The following GPSM1 variants were observed in gnomAD, a reference collection of about 807,000 sequenced individuals.
The protein encoded by GPSM1 is G protein-signaling modulator 1.
Under a neutral mutation model 70.5 loss-of-function variants are expected in GPSM1, and 48 were observed. The observed-to-expected ratio is 0.68, with a 90% confidence interval of 0.54 to 0.87. The LOEUF is 0.87. Ranked by LOEUF, GPSM1 falls within the 40% of genes least tolerant of loss-of-function variation. GPSM1 has a pLI of 0.00. For synonymous variants in GPSM1, 416 were observed against 430.1 expected, an observed-to-expected ratio of 0.97 and a Z score of 0.41; for missense variants, 981 against 972.6, an observed-to-expected ratio of 1.01 and a Z score of -0.11.
chr9:136,330,891 C>G (rs1554768393), intron 1 of GPSM1, among the ~76,000 whole-genome samples: 1 of 152,146 alleles, frequency 6.6e-6, no homozygotes. Context: ...CTAGGTCCTG[C>G]CCCGCCTTTG....
rs188531960 is a variant in GPSM1, at chr9:136,336,950, C to G, written c.456C>G (p.Ile152Met). 9.2e-5 allele frequency: 144 copies of G among 1,557,500 alleles called. No homozygotes were observed. The highest frequency in any genetic ancestry group is 3.3e-4 in the Middle Eastern group (2 of 6,002). ...KVGEARALYNIGNVYHAKGKQ... is the reference protein window; with the variant it reads ...KVGEARALYNMGNVYHAKGKQ... ...GGGAGGCGAGGGCCCTCTACAACAT[C>G]GGGAACGTGTACCACGCCAAAGGCA... Residue 152 changes from isoleucine (I) to methionine (M), a missense_variant, in exon 4 of 14, where the codon ATC becomes ATG. Physicochemically the swap from Ile to Met is conservative, Grantham distance 10 (BLOSUM62 1). Coordinates refer to ENST00000440944, the MANE Select transcript of GPSM1 (RefSeq NM_001145638.3).
At chr9:136,336,734 G>A (rs1832246225) in intron 3 of GPSM1, among the ~76,000 whole-genome samples, 187 bp from the exon 4 acceptor site, 1 of 152,196 alleles carries the variant, frequency 6.6e-6, no homozygotes, top group Admixed American at 6.5e-5. Context: ...GTGAGGGAGG[G>A]CGGAGGCTGG....
chr9:136,353,040 C>G (rs1832714189), intron 11 of GPSM1: 1 of 971,560 alleles, frequency 1.0e-6, no homozygotes, highest in African/African-American at 1.8e-5. Flanking sequence ...TGAGGCAGCA[C>G]TTGGCACTTT....
At chr9:136,336,181 GACTCACC>G in intron 3 of GPSM1, 80 bp downstream of exon 3, 1 of 1,471,724 alleles carries the variant, frequency 6.8e-7, no homozygotes, top group South Asian at 1.2e-5. Context: ...GCGGGCGGGT[GACTCACC>G]ACTCATCCAG....
Position 136,349,717 on chromosome 9 carries a change from A to G in GPSM1, c.1409A>G (p.His470Arg). The G allele has an allele frequency of 3.2e-6, 5 of 1,574,982 alleles. No individual in the cohort carries two copies. Among genetic ancestry groups the G allele is most frequent in the Non-Finnish European group, 4.3e-6 (5 of 1,161,466 alleles). The change falls in exon 11 of 14, where the codon CAC becomes CGC. Residue 470 changes from histidine to arginine, a missense_variant. Coordinates refer to ENST00000440944, the MANE Select transcript of GPSM1 (RefSeq NM_001145638.3). ...DAERRPREGS[H>R]SPLDSADVRV... ...GAGAGGAGGCCCCGGGAGGGCAGCC[A>G]CTCCCCGCTGGACAGCGCCGACGTC...
Position 136,332,005 on chromosome 9 carries a change from C to T in GPSM1, c.69-2442C>T, listed in dbSNP as rs192794501. 44 of 398,554 alleles carry T rather than the reference C, an allele frequency of 1.1e-4. 1 individual carries two copies. In the Admixed American group the frequency reaches 1.2e-3, roughly 11 times the overall value. 24.7% of individuals were successfully genotyped at this position (398,554 alleles called of 1,614,324 possible). A position where few individuals can be genotyped will look rare whatever the true frequency, so the allele number is the denominator to read the frequency against. ...TGGGGGAGGAGGGCCTGGGGCCTGG[C>T]GATGCCATCCCCTGCTGGGGAGGGC... On this transcript the variant is annotated intron_variant, in intron 1 of 13. Transcript: ENST00000440944.
rs782359388 is a variant in GPSM1, at chr9:136,356,331, G to GC, written c.1613-5dup. The GC allele has an allele frequency of 5.2e-6, 8 of 1,551,420 alleles. No homozygotes were observed. The highest frequency in any genetic ancestry group is 5.2e-6 in the Non-Finnish European group (6 of 1,147,484). ...ACTGGGTCCCAGGTCTCACCCTCTG[G>GC]CCCCCCGCAGCCCAGCCCTCGATGA... On this transcript the variant is annotated splice_polypyrimidine_tract_variant and intron_variant, in intron 12 of 13. Coordinates refer to ENST00000440944, the MANE Select transcript of GPSM1 (RefSeq NM_001145638.3).
rs1832380093 is a variant in GPSM1, at chr9:136,341,090, G to A, written c.1207+97G>A. The A allele has an allele frequency of 2.6e-6, 4 of 1,550,258 alleles. No homozygotes were observed. Among genetic ancestry groups the A allele is most frequent in the Non-Finnish European group, 3.5e-6 (4 of 1,146,980 alleles). The stretch of plus-strand genomic sequence containing the variant: ...GGATCGAGGCCAGGCCAGCATGGCG[G>A]AGGTGGCAGCCGCCAGAAAATGGCG... On this transcript the variant is annotated intron_variant, in intron 9 of 13. Coordinates refer to ENST00000440944, the MANE Select transcript of GPSM1 (RefSeq NM_001145638.3). This position sits in a 1 kb window ranked among gnomAD's most constrained non-coding sequence, Gnocchi z 6.7.
chr9:136,339,859 C>T lies in GPSM1; in HGVS notation c.1083+44C>T, dbSNP rs1832342602. On this transcript the variant is annotated intron_variant, in intron 8 of 13. Transcript: ENST00000440944. ...CAGAAGTCCCGGGCACTGCCCAGCC[C>T]ACTCCAGACGGGCCGGGTCCCCTCT... 3.2e-6 allele frequency: 4 copies of T among 1,261,006 alleles called. No individual in the cohort carries two copies. The African/African-American group carries it at 5.9e-5, about 19-fold the overall frequency. 78.1% of individuals were successfully genotyped at this position (1,261,006 alleles called of 1,614,324 possible). A position where few individuals can be genotyped will look rare whatever the true frequency, so the allele number is the denominator to read the frequency against.
Position 136,355,766 on chromosome 9 carries a change from A to C in GPSM1, c.1532A>C (p.Asp511Ala). The C allele has an allele frequency of 6.2e-7, 1 of 1,612,226 alleles. No homozygotes were observed. The highest frequency in any genetic ancestry group is 1.1e-5 in the South Asian group (1 of 91,068). The change falls in exon 12 of 14, where the codon GAC (aspartate) becomes GCC (alanine). Residue 511 changes from aspartate (D) to alanine (A), a missense_variant. Asp to Ala is a moderately radical substitution (Grantham distance 126). Coordinates refer to ENST00000440944, the MANE Select transcript of GPSM1 (RefSeq NM_001145638.3). The part of the protein sequence containing the change: ...LLTKFQSSRM[D>A]DQRCPLDDGQ... ...ACCAAGTTCCAGAGCAGCCGCATGGACGACCAGCGTTGTCCCCTGGACGAT... is the reference window on the plus strand; with the variant it reads ...ACCAAGTTCCAGAGCAGCCGCATGGCCGACCAGCGTTGTCCCCTGGACGAT...
At chr9:136,352,995 C>T (rs1832712998) in intron 11 of GPSM1, 1 of 694,696 alleles carries the variant, frequency 1.4e-6, no homozygotes, top group Non-Finnish European at 1.8e-6. Context: ...GAGCCCTTGC[C>T]CAGGGTCCTA....
At chr9:136,327,834 G>A (rs1169633604) in intron 1 of GPSM1, 71 bp downstream of exon 1, 2 of 540,194 alleles carry the variant, frequency 3.7e-6, no homozygotes, top group Non-Finnish European at 2.6e-6. Flanking sequence ...ACGCGGGGGA[G>A]GCTGCAGTTG....
chr9:136,338,406 T>C (rs1832302755), intron 6 of GPSM1, 149 bp from the exon 7 acceptor site: 4 of 748,506 alleles, frequency 5.3e-6, no homozygotes, highest in East Asian at 2.7e-5. Context: ...TCTGTGGCCA[T>C]GTGAGGGTGG....
At position 136,358,586 on chromosome 9, in the gene GPSM1, A is replaced by C; in HGVS notation, c.*366A>C. Reference sequence around the variant, plus strand: ...CCTGCTGTCTCCCCCACCCTCCCCAAAGGTGTCTCTGAGCCGCCTCTTGGG... The same window carrying C: ...CCTGCTGTCTCCCCCACCCTCCCCACAGGTGTCTCTGAGCCGCCTCTTGGG... On this transcript the variant is annotated 3_prime_UTR_variant, in exon 14 of 14. Transcript: ENST00000440944. 29 of 357,372 alleles carry C rather than the reference A, an allele frequency of 8.1e-5. No homozygotes were observed. Among genetic ancestry groups the C allele is most frequent in the East Asian group, 4.3e-4 (6 of 13,898 alleles). The allele number at this position is 357,372 out of a possible 1,614,324, so 22.1% of individuals were successfully genotyped here. A position where few individuals can be genotyped will look rare whatever the true frequency, so the allele number is the denominator to read the frequency against.
chr9:136,337,045 C>A lies in GPSM1; in HGVS notation c.551C>A (p.Thr184Asn), dbSNP rs1465350305. 1.9e-5 allele frequency: 29 copies of A among 1,551,832 alleles called. No homozygotes were observed. Among genetic ancestry groups the A allele is most frequent in the Non-Finnish European group, 2.4e-5 (27 of 1,147,738 alleles). ...CACCTGCCGCCCGATGTCCGAGAGA[C>A]CCTGTGCAAGGCCTCCGAGTTCTAC... ...PGHLPPDVRE[T>N]LCKASEFYER... Residue 184 changes from threonine (T) to asparagine (N), a missense_variant, in exon 4 of 14, where the codon ACC (threonine) becomes AAC (asparagine). Coordinates refer to ENST00000440944, the MANE Select transcript of GPSM1 (RefSeq NM_001145638.3).
rs559526636 is a variant in GPSM1, at chr9:136,344,877, G to A, written c.1208-3820G>A. Among the ~76,000 whole-genome samples the A allele has an allele frequency of 2.0e-3, 309 of 152,326 alleles. 1 individual carries two copies. The highest frequency in any genetic ancestry group is 6.9e-3 in the African/African-American group (285 of 41,586). On this transcript the variant is annotated intron_variant, in intron 9 of 13. Transcript: ENST00000440944. ...CCTCCCCAATGGGGCGGGGCCCTCA[G>A]GACCCAGCAGAGAAGGGGCAAGGCC... is the stretch of plus-strand genomic sequence containing the variant.
At chr9:136,335,589 G>A (rs1353262456) in intron 2 of GPSM1, among the ~76,000 whole-genome samples, 1 of 152,128 alleles carries the variant, frequency 6.6e-6, no homozygotes, top group Non-Finnish European at 1.5e-5. Context: ...GAATGAGTTA[G>A]CAGGAAGTTA....
rs1588697161 is a variant in GPSM1 at position 136,341,305 on chromosome 9, G to A, written c.1207+312G>A. On this transcript the variant is annotated intron_variant, in intron 9 of 13. Coordinates refer to ENST00000440944, the MANE Select transcript of GPSM1 (RefSeq NM_001145638.3). The surrounding 1 kb of genome is among the most constrained non-coding windows in gnomAD (Gnocchi z 6.7). ...CCCCTGGAGCCCTCGGTGCAGGGAG[G>A]GCTTCTGTCCTCAGACCCAAGTAGG... is the stretch of plus-strand genomic sequence containing the variant. 1 of 1,452,078 alleles carries A rather than the reference G, an allele frequency of 6.9e-7. No homozygotes were observed. The highest frequency in any genetic ancestry group is 9.0e-7 in the Non-Finnish European group (1 of 1,105,018). 89.9% of individuals were successfully genotyped at this position (1,452,078 alleles called of 1,614,324 possible). A position where few individuals can be genotyped will look rare whatever the true frequency, so the allele number is the denominator to read the frequency against.
In GPSM1 at chr9:136,340,518, C is replaced by G. The variant is rs1832361539; in HGVS notation, c.1084-352C>G. 6.6e-6 allele frequency among the ~76,000 whole-genome samples: 1 copy of G among 152,068 alleles called. No individual in the cohort carries two copies. The highest frequency in any genetic ancestry group is 1.5e-5 in the Non-Finnish European group (1 of 68,010). ...GATGTGGATGTTCCCGGGAGGGTCC[C>G]CCACAGAGCCTCGGCGCACAAGGCA... On this transcript the variant is annotated intron_variant, in intron 8 of 13. Coordinates refer to ENST00000440944, the MANE Select transcript of GPSM1 (RefSeq NM_001145638.3). The surrounding 1 kb of genome is among the most constrained non-coding windows in gnomAD (Gnocchi z 7.3).
Sources: gnomAD v4.1 joint callset for allele counts (sites outside exome capture counted in the v4.1 genomes callset) on GRCh38, gnomAD v4.1.1 for gene constraint, Gnocchi (gnomAD v3.1) non-coding constraint, MANE v1.5 for transcripts, NCBI Gene and HGNC (gene_info 2026-07-23, HGNC 2026-07-21) for gene names.